Variants in DOCK9 observed in about 807,000 individuals in gnomAD.
DOCK9 encodes the protein dedicator of cytokinesis protein 9.
A neutral mutation model predicts 263.3 loss-of-function variants in DOCK9; 89 were observed. The observed-to-expected ratio is 0.34, with a 90% CI of 0.28 to 0.40. The LOEUF (loss-of-function observed/expected upper bound fraction) is 0.40, where lower values mean the gene tolerates loss of function less well. DOCK9 is among the 10% of genes least tolerant of loss of function. The pLI, the probability that DOCK9 is intolerant of heterozygous loss-of-function variation, is 1.00. For synonymous variants in DOCK9, 976 were observed against 973.1 expected (o/e 1.00, Z -0.06); for missense variants, 2,140 against 2,603.4 (o/e 0.82, Z 3.87).
At chr13:99,060,972 C>T (rs1460882083) in intron 1 of DOCK9, among the ~76,000 whole-genome samples, 2 of 152,204 alleles carry the variant, frequency 1.3e-5, no homozygotes, top group Non-Finnish European at 2.9e-5. Flanking sequence ...CCTTCACTTT[C>T]CCTTTACATG....
At chr13:98,927,642 AC>A (rs2053210488) in intron 3 of DOCK9, among the ~76,000 whole-genome samples, 1 of 151,240 alleles carries the variant, frequency 6.6e-6, no homozygotes. Context: ...TTTTTTTAAG[AC>A]GGAATCTTGC....
At chr13:98,826,340 G>A (rs149273239) in intron 44 of DOCK9, among the ~76,000 whole-genome samples, 116 of 152,276 alleles carry the variant, frequency 7.6e-4, no homozygotes, top group Non-Finnish European at 1.4e-3. Context: ...GGGCACAAAC[G>A]GAGAGTGCAC....
chr13:98,813,869 G>A (rs1270322206), intron 45 of DOCK9, among the ~76,000 whole-genome samples: 4 of 152,068 alleles, frequency 2.6e-5, no homozygotes, highest in African/African-American at 9.7e-5. Flanking sequence ...TTAAACTCCC[G>A]ACCTCAGGTG....
intron 9 of DOCK9, 36 bp downstream of exon 9, chr13:98,914,292 A>G (rs757832716): frequency 4.5e-6 from 7 of 1,562,970 alleles, no homozygotes; most frequent in Non-Finnish European, 6.1e-6. Context: ...CTTCAACAGC[A>G]TTCAACGAAG....
intron 2 of DOCK9, among the ~76,000 whole-genome samples, chr13:98,942,894 G>T (rs551809622): frequency 9.9e-4 from 151 of 152,276 alleles, no homozygotes; most frequent in Non-Finnish European, 1.5e-3. Flanking sequence ...CACGGAAAAG[G>T]TATGGTAAAA....
intron 1 of DOCK9, among the ~76,000 whole-genome samples, chr13:99,012,755 A>G (rs1884728753): frequency 6.6e-6 from 1 of 152,180 alleles, no homozygotes; most frequent in African/African-American, 2.4e-5. Context: ...GGAACATTCA[A>G]CCATGAACCA....
At position 98,915,368 on chromosome 13, in the gene DOCK9, C is replaced by A. The variant is rs770629242; in HGVS notation, c.853G>T (p.Ala285Ser). ...CCATTTCGCTTTTCTTGCATTGCAG[C>A]TTCAAAGTTGAGCTGGAGGATCTTA... ...LNKILQLNFE[A>S]AMQEKRNGDS... is the part of the protein sequence containing the mutation. Residue 285 changes from alanine (A) to serine (S), a missense_variant, in exon 8 of 53, where the codon GCT (alanine) becomes TCT (serine). Ala to Ser is a moderately conservative substitution (Grantham distance 99). This residue lies in a region of DOCK9 where 1,521 missense variants were observed against 1,741.7 expected (regional missense o/e 0.87). Coordinates refer to ENST00000682017, the MANE Select transcript of DOCK9 (RefSeq NM_001366683.2). 1.2e-6 allele frequency: 2 copies of A among 1,613,882 alleles called. No homozygotes were observed.
At position 98,809,528 on chromosome 13, in the gene DOCK9, A is replaced by G. The variant is rs1432715959; in HGVS notation, c.5254-63T>C. 6.5e-6 allele frequency: 9 copies of G among 1,378,192 alleles called. No homozygotes were observed. The East Asian group carries it at 2.1e-4, about 32-fold the overall frequency. 85.4% of individuals were successfully genotyped at this position (1,378,192 alleles called of 1,614,324 possible). On this transcript the variant is annotated intron_variant, in intron 46 of 52. Transcript: ENST00000682017. The stretch of plus-strand genomic sequence containing the variant: ...AAAGAGGAGAATCGATTTTAAAATA[A>G]CAAATGTGATAATGGAGGTGAAAAG...
intron 2 of DOCK9, among the ~76,000 whole-genome samples, chr13:98,941,999 AGGTTT>A (rs1353166624): frequency 6.6e-6 from 1 of 152,206 alleles, no homozygotes; most frequent in Non-Finnish European, 1.5e-5. Context: ...AGTTTTAGGA[AGGTTT>A]ATCACTTATG....
At chr13:98,868,121 G>T in intron 28 of DOCK9, 110 bp from the exon 29 acceptor site, 1 of 1,528,912 alleles carries the variant, frequency 6.5e-7, no homozygotes. Context: ...TAAAAAACAT[G>T]CCATCAACAT....
chr13:98,991,478 C>A (rs2141711537), intron 1 of DOCK9, among the ~76,000 whole-genome samples: 1 of 152,290 alleles, frequency 6.6e-6, no homozygotes, highest in East Asian at 1.9e-4. Context: ...CTAGTTGAAC[C>A]TGGATGTGCT....
rs903224531 is a variant in DOCK9, at chr13:99,086,447, C to T, written c.-96G>A. On this transcript the variant is annotated 5_prime_UTR_variant, in exon 1 of 33. Coordinates refer to the DOCK9 transcript ENST00000427887. Reference sequence around the variant, plus strand: ...GCCCTCGGCGCCCGGCCCGCTCCGCCCGCCGCTCCCGGCGCCGCCGCCGCC... The same window carrying T: ...GCCCTCGGCGCCCGGCCCGCTCCGCTCGCCGCTCCCGGCGCCGCCGCCGCC... 6.2e-4 allele frequency: 515 copies of T among 833,194 alleles called. 2 individuals are homozygous for T. The highest frequency in any genetic ancestry group is 7.1e-4 in the Non-Finnish European group (490 of 693,468). 51.6% of individuals were successfully genotyped at this position (833,194 alleles called of 1,614,324 possible). A position where few individuals can be genotyped will look rare whatever the true frequency, so the allele number is the denominator to read the frequency against.
At chr13:99,072,418 G>A (rs779759197) in intron 1 of DOCK9, among the ~76,000 whole-genome samples, 1 of 152,044 alleles carries the variant, frequency 6.6e-6, no homozygotes, top group Non-Finnish European at 1.5e-5. Flanking sequence ...CAGGAGCATT[G>A]TATAATATCA....
intron 1 of DOCK9, among the ~76,000 whole-genome samples, chr13:99,079,830 A>T (rs2042057156): frequency 6.6e-6 from 1 of 152,136 alleles, no homozygotes; most frequent in South Asian, 2.1e-4. Flanking sequence ...ATTTGAGGTC[A>T]GGAGTTCAAG....
intron 1 of DOCK9, among the ~76,000 whole-genome samples, chr13:98,992,176 G>A (rs1377146067): frequency 6.6e-6 from 1 of 151,934 alleles, no homozygotes; most frequent in Non-Finnish European, 1.5e-5. Context: ...CTGTTGAGGA[G>A]TTATCAGGAT....
At chr13:99,054,921 C>T (rs2040850820) in intron 1 of DOCK9, among the ~76,000 whole-genome samples, 1 of 152,172 alleles carries the variant, frequency 6.6e-6, no homozygotes, top group African/African-American at 2.4e-5. Context: ...GCCTTCTTCA[C>T]TTACTTTCCT....
At chr13:98,887,615 C>CAAA (rs58976892) in intron 18 of DOCK9, among the ~76,000 whole-genome samples, 13,446 of 37,352 alleles carry the variant, frequency 0.36, 3,952 homozygotes, top group Non-Finnish European at 0.39. Flanking sequence ...GACTCCATCT[C>CAAA]AAAAAAAAAA....
At chr13:98,995,709 C>T (rs568891750) in intron 1 of DOCK9, among the ~76,000 whole-genome samples, 1 of 152,050 alleles carries the variant, frequency 6.6e-6, no homozygotes, top group Admixed American at 6.6e-5. Context: ...AGGATGGTCT[C>T]GATCTCCTCA....
At chr13:98,966,550 T>C (rs1367769496) in intron 1 of DOCK9, among the ~76,000 whole-genome samples, 1 of 152,256 alleles carries the variant, frequency 6.6e-6, no homozygotes, top group Non-Finnish European at 1.5e-5. Flanking sequence ...CTAAAATTGT[T>C]AATTCTTCCT....
Sources: allele counts gnomAD v4.1 joint callset (sites outside exome capture counted in the v4.1 genomes callset), GRCh38; gene constraint gnomAD v4.1.1; regional missense constraint gnomAD v4.1.1; transcripts MANE v1.5; gene names NCBI Gene and HGNC (gene_info 2026-07-23, HGNC 2026-07-21).